FMN1: variants seen among roughly 807,000 people sequenced by gnomAD.
FMN1 encodes the protein formin-1.
In FMN1, 110 loss-of-function variants were observed where a neutral mutation model predicts 132.4. That is an observed-to-expected ratio of 0.83 (90% CI 0.71 to 0.97). FMN1 has a LOEUF of 0.97. Among genes scored for constraint, FMN1 ranks in the 50% least tolerant of loss-of-function variants. The pLI, the probability that FMN1 is intolerant of heterozygous loss-of-function variation, is 0.00. For synonymous variants in FMN1, 722 were observed against 651.7 expected (o/e 1.11, Z -1.64); for missense variants, 1,792 against 1,705.3 (o/e 1.05, Z -0.90).
At chr15:32,860,426 G>T (rs1167732475) in intron 16 of FMN1, among the ~76,000 whole-genome samples, 1 of 152,208 alleles carries the variant, frequency 6.6e-6, no homozygotes, top group Admixed American at 6.5e-5. Context: ...GCCAAGGCAG[G>T]TGGATCACTT....
intron 5 of FMN1, among the ~76,000 whole-genome samples, chr15:33,082,239 A>T (rs373989777): frequency 7.5e-4 from 114 of 151,830 alleles, no homozygotes; most frequent in African/African-American, 2.7e-3. Context: ...CGGTCGGCTA[A>T]TTTTTGTGTT....
intron 19 of FMN1, among the ~76,000 whole-genome samples, chr15:32,788,491 C>G (rs1311066420): frequency 6.6e-6 from 1 of 152,156 alleles, no homozygotes; most frequent in East Asian, 1.9e-4. Context: ...AAAACTAGCA[C>G]TGAGAGCCTG....
intron 17 of FMN1, among the ~76,000 whole-genome samples, chr15:32,849,716 G>GT (rs1337560662): frequency 2.6e-5 from 4 of 152,048 alleles, no homozygotes; most frequent in Non-Finnish European, 5.9e-5. Context: ...CAGTGCAGTG[G>GT]TATGATCTCA....
chr15:33,070,595 T>C (rs1224184651), intron 5 of FMN1, among the ~76,000 whole-genome samples: 1 of 152,060 alleles, frequency 6.6e-6, no homozygotes, highest in African/African-American at 2.4e-5. Context: ...GCCAACACAA[T>C]TTCATGGGAA....
chr15:33,003,266 G>C (rs139568757), intron 7 of FMN1, among the ~76,000 whole-genome samples: 8 of 152,272 alleles, frequency 5.3e-5, no homozygotes, highest in Non-Finnish European at 1.0e-4. Flanking sequence ...AATTGTCCCT[G>C]TTTGCAGATG....
intron 17 of FMN1, among the ~76,000 whole-genome samples, chr15:32,832,913 G>A (rs758050594): frequency 2.0e-5 from 3 of 152,114 alleles, no homozygotes; most frequent in Non-Finnish European, 4.4e-5. Context: ...GTTGTTTTGT[G>A]AGAGGTAGGA....
intron 9 of FMN1, among the ~76,000 whole-genome samples, chr15:32,935,152 A>C (rs889989673): frequency 6.6e-6 from 1 of 151,860 alleles, no homozygotes; most frequent in Non-Finnish European, 1.5e-5. Flanking sequence ...CAAACTCCTG[A>C]CCTTGTGAGT....
chr15:33,176,853 AG>A (rs1011232111), intron 3 of FMN1, among the ~76,000 whole-genome samples: 6 of 152,246 alleles, frequency 3.9e-5, no homozygotes, highest in Admixed American at 1.3e-4. Flanking sequence ...TAATATGGTC[AG>A]GGGTCTTCGC....
chr15:33,067,797 G>A, intron 5 of FMN1: 1 of 1,613,980 alleles, frequency 6.2e-7, no homozygotes, highest in Non-Finnish European at 8.5e-7. Context: ...AACTTACTCA[G>A]GATCGACTGA....
At chr15:32,964,356 C>A in intron 8 of FMN1, 99 bp from the exon 9 acceptor site, 1 of 876,926 alleles carries the variant, frequency 1.1e-6, no homozygotes. Context: ...TTTCATTTTT[C>A]TAAAAAAACA....
intron 6 of FMN1, among the ~76,000 whole-genome samples, chr15:33,061,113 G>A (rs567332213): frequency 6.1e-4 from 93 of 152,168 alleles, no homozygotes; most frequent in African/African-American, 1.8e-3. Flanking sequence ...TGTTAAATTC[G>A]GTGTCATGTT....
chr15:32,858,355 A>G (rs1300134181), intron 16 of FMN1, among the ~76,000 whole-genome samples: 1 of 152,252 alleles, frequency 6.6e-6, no homozygotes, highest in Non-Finnish European at 1.5e-5. Flanking sequence ...AATATTGCCA[A>G]CTAGATTGCA....
intron 4 of FMN1, among the ~76,000 whole-genome samples, chr15:33,127,901 A>C (rs1963255113): frequency 6.6e-6 from 1 of 151,128 alleles, no homozygotes; most frequent in Non-Finnish European, 1.5e-5. Context: ...TCTTTATTCT[A>C]CAACAAATGG....
At chr15:32,968,329 AAG>A (rs1328694895) in intron 8 of FMN1, among the ~76,000 whole-genome samples, 4 of 152,226 alleles carry the variant, frequency 2.6e-5, no homozygotes, top group East Asian at 1.9e-4. Flanking sequence ...AGACAGTAAA[AAG>A]AATTCTAAAA....
intron 9 of FMN1, among the ~76,000 whole-genome samples, chr15:32,949,960 TATATACACACATATATATACACACAC>T (rs1567448580): frequency 5.2e-4 from 25 of 48,176 alleles, no homozygotes; most frequent in African/African-American, 1.8e-3. Context: ...TATATATATA[TATATACACACATATATATACACACAC>T]ATATATATAC....
chr15:33,016,348 C>T (rs989683112), intron 6 of FMN1, among the ~76,000 whole-genome samples: 3 of 152,122 alleles, frequency 2.0e-5, no homozygotes, highest in Non-Finnish European at 2.9e-5. Flanking sequence ...ATTCCAAAAT[C>T]TAAGAATAAA....
At chr15:32,962,564 A>T (rs1310446611) in intron 9 of FMN1, among the ~76,000 whole-genome samples, 1 of 151,066 alleles carries the variant, frequency 6.6e-6, no homozygotes, top group Non-Finnish European at 1.5e-5. Flanking sequence ...CAACCTACAA[A>T]ATGGGAGAAA....
At chr15:33,066,363 C>A in intron 5 of FMN1, 1 of 707,120 alleles carries the variant, frequency 1.4e-6, no homozygotes, top group East Asian at 2.8e-5. Context: ...ACTCCATACT[C>A]CTTACAGGAC....
At position 32,969,149 on chromosome 15, in the gene FMN1, T is replaced by G; in HGVS notation, c.2552A>C (p.His851Pro). 1.2e-6 allele frequency: 2 copies of G among 1,613,920 alleles called. No individual in the cohort carries two copies. Among genetic ancestry groups the G allele is most frequent in the Non-Finnish European group, 1.7e-6 (2 of 1,179,874 alleles). The change falls in exon 8 of 21, where the codon CAT becomes CCT. Residue 851 changes from histidine to proline, a missense_variant. Transcript: ENST00000616417. ...LSPPNDHKDI[H>P]AALQPMEGMA... ...GCCCTCCATTGGCTGGAGTGCTGCA[T>G]GGATGTCTTTGTGGTCATTTGGGGG...
Sources: allele counts gnomAD v4.1 joint callset (sites outside exome capture counted in the v4.1 genomes callset), GRCh38; gene constraint gnomAD v4.1.1; transcripts MANE v1.5; gene names NCBI Gene and HGNC (gene_info 2026-07-23, HGNC 2026-07-21).